The following FOXP2 variants were observed in gnomAD, a reference collection of about 807,000 sequenced individuals.
FOXP2 encodes forkhead box protein P2.
A neutral mutation model predicts 115.8 loss-of-function variants in FOXP2; 12 were observed. The observed-to-expected ratio is 0.10, with a 90% confidence interval of 0.07 to 0.17. The LOEUF is 0.17. Ranked by LOEUF, FOXP2 falls within the 10% of genes least tolerant of loss-of-function variation. FOXP2 has a pLI of 1.00. For missense variants in FOXP2, 629 were observed against 843.5 expected, an observed-to-expected ratio of 0.75 and a Z score of 3.15; for synonymous variants, 328 against 297.7, an observed-to-expected ratio of 1.10 and a Z score of -1.05.
At chr7:114,581,601 C>A (rs1801872229) in intron 3 of FOXP2, among the ~76,000 whole-genome samples, 1 of 152,142 alleles carries the variant, frequency 6.6e-6, no homozygotes, top group African/African-American at 2.4e-5. Context: ...ACTGTTCAAC[C>A]TATACTGACA....
At chr7:114,639,614 A>G (rs1430108520) in intron 6 of FOXP2, among the ~76,000 whole-genome samples, 1 of 152,118 alleles carries the variant, frequency 6.6e-6, no homozygotes, top group Non-Finnish European at 1.5e-5. Flanking sequence ...GGAAACTTAG[A>G]GGAGGTGAAC....
intron 3 of FOXP2, among the ~76,000 whole-genome samples, chr7:114,594,579 A>C (rs547134187): frequency 1.3e-5 from 2 of 152,074 alleles, no homozygotes; most frequent in Admixed American, 6.6e-5. Context: ...CAAAAACAAC[A>C]AAAAAATAGT....
intron 1 of FOXP2, among the ~76,000 whole-genome samples, chr7:114,279,040 G>C (rs766467069): frequency 6.6e-6 from 1 of 152,134 alleles, no homozygotes; most frequent in East Asian, 1.9e-4. Flanking sequence ...CTCGGTGTTG[G>C]TAGAACTTTT....
chr7:114,116,422 A>G (rs1294902266), intron 1 of FOXP2, among the ~76,000 whole-genome samples: 3 of 152,202 alleles, frequency 2.0e-5, no homozygotes, highest in Non-Finnish European at 4.4e-5. Context: ...ATAATAATAA[A>G]TGGAATCAAT....
At chr7:114,447,705 G>A (rs73434175) in intron 2 of FOXP2, among the ~76,000 whole-genome samples, 235 of 152,106 alleles carry the variant, frequency 1.5e-3, no homozygotes, top group African/African-American at 5.2e-3. Context: ...AAGTCATTTC[G>A]GGGAGTCTCT....
At chr7:114,303,306 G>T (rs1796920946) in intron 2 of FOXP2, among the ~76,000 whole-genome samples, 2 of 152,120 alleles carry the variant, frequency 1.3e-5, no homozygotes, top group Non-Finnish European at 2.9e-5. Flanking sequence ...ACAAAAAAAG[G>T]TATGATTGAA....
intron 2 of FOXP2, among the ~76,000 whole-genome samples, chr7:114,521,532 CAAAAAAAAAAAA>C (rs34666914): frequency 1.2e-5 from 1 of 82,082 alleles, no homozygotes; most frequent in Non-Finnish European, 2.3e-5. Flanking sequence ...GACACTGTCT[CAAAAAAAAAAAA>C]AAAAAAAAAG....
chr7:114,447,988 T>C (rs1055033851), intron 2 of FOXP2, among the ~76,000 whole-genome samples: 4 of 152,166 alleles, frequency 2.6e-5, no homozygotes, highest in African/African-American at 9.6e-5. Context: ...CTTCATAAAT[T>C]GTTCCTTAAA....
chr7:114,521,299 C>T, intron 2 of FOXP2, among the ~76,000 whole-genome samples: 1 of 151,834 alleles, frequency 6.6e-6, no homozygotes, highest in Non-Finnish European at 1.5e-5. Context: ...AACAAAATAT[C>T]CATTATGTGT....
In FOXP2 at chr7:114,470,293, C is replaced by T. The variant is rs561328513; in HGVS notation, c.168+43614C>T. Among the ~76,000 whole-genome samples the T allele has an allele frequency of 1.6e-3, 249 of 152,080 alleles. 1 individual carries two copies. The highest frequency in any genetic ancestry group is 2.9e-3 in the Non-Finnish European group (200 of 68,008). The stretch of plus-strand genomic sequence containing the variant: ...TCCTTCTACTTGGAATGTTTTCCCC[C>T]GACCCTCCCAAATGCTCACAAACAC... On this transcript the variant is annotated intron_variant, in intron 2 of 16. Coordinates refer to ENST00000350908, the MANE Select transcript of FOXP2 (RefSeq NM_014491.4).
chr7:114,396,350 A>T (rs1792740025), intron 2 of FOXP2, among the ~76,000 whole-genome samples: 2 of 152,098 alleles, frequency 1.3e-5, no homozygotes, highest in African/African-American at 4.8e-5. Flanking sequence ...ATGGGATCTT[A>T]TTCTTTTTAT....
At chr7:114,145,862 T>A (rs936235042) in intron 1 of FOXP2, among the ~76,000 whole-genome samples, 1 of 152,222 alleles carries the variant, frequency 6.6e-6, no homozygotes, top group Non-Finnish European at 1.5e-5. Context: ...AAAATGAAAT[T>A]CTAGAAGTTG....
intron 2 of FOXP2, among the ~76,000 whole-genome samples, chr7:114,314,061 C>A (rs1472654803): frequency 6.6e-6 from 1 of 151,604 alleles, no homozygotes; most frequent in East Asian, 1.9e-4. Context: ...TAGAAAAGAA[C>A]AGAATAAAAT....
chr7:114,362,534 AT>A (rs1791778523), intron 2 of FOXP2, among the ~76,000 whole-genome samples: 1 of 152,114 alleles, frequency 6.6e-6, no homozygotes, highest in Non-Finnish European at 1.5e-5. Flanking sequence ...GATGCCTGAA[AT>A]ATGAAAAATG....
intron 1 of FOXP2, among the ~76,000 whole-genome samples, chr7:114,156,210 G>A (rs1388146031): frequency 6.6e-6 from 1 of 152,080 alleles, no homozygotes; most frequent in Non-Finnish European, 1.5e-5. Context: ...TCCTGGTGCT[G>A]TCTGCCACCA....
intron 8 of FOXP2, among the ~76,000 whole-genome samples, chr7:114,651,706 T>C (rs1326002425): frequency 1.3e-5 from 2 of 152,120 alleles, no homozygotes; most frequent in African/African-American, 4.8e-5. Flanking sequence ...TCATTCTTCA[T>C]AAATATTGAT....
chr7:114,172,221 A>G (rs1012951331), intron 1 of FOXP2, among the ~76,000 whole-genome samples: 1 of 152,130 alleles, frequency 6.6e-6, no homozygotes, highest in African/African-American at 2.4e-5. Flanking sequence ...AATTTATGTG[A>G]CTTGCTTTAT....
chr7:114,226,638 G>A (rs1794755387), intron 1 of FOXP2, among the ~76,000 whole-genome samples: 1 of 152,092 alleles, frequency 6.6e-6, no homozygotes, highest in Admixed American at 6.6e-5. Context: ...TAATTTGGAA[G>A]TATTCATGGT....
intron 2 of FOXP2, among the ~76,000 whole-genome samples, chr7:114,310,997 G>A (rs1378166911): frequency 2.0e-5 from 3 of 152,064 alleles, no homozygotes; most frequent in African/African-American, 7.2e-5. Context: ...CCCTTGGGGT[G>A]GGCTGTCTGC....
Sources: allele counts gnomAD v4.1 joint callset (sites outside exome capture counted in the v4.1 genomes callset), GRCh38; gene constraint gnomAD v4.1.1; transcripts MANE v1.5; gene names NCBI Gene and HGNC (gene_info 2026-07-23, HGNC 2026-07-21).